TELO2: variants seen among roughly 807,000 people sequenced by gnomAD.
TELO2 encodes the protein telomere maintenance 2.
A neutral mutation model predicts 91.0 loss-of-function variants in TELO2; 71 were observed. The ratio of observed to expected loss-of-function variants is 0.78; its 90% CI spans 0.64 to 0.95. TELO2 has a LOEUF of 0.95. TELO2 is among the 40% of genes least tolerant of loss of function. TELO2 has a pLI of 0.00. For missense variants in TELO2, 1,183 were observed against 1,141.3 expected (o/e 1.04, Z -0.53); for synonymous variants, 584 against 518.9 (o/e 1.13, Z -1.71).
intron 11 of TELO2, 130 bp from the exon 12 acceptor site, chr16:1,501,917 A>G: frequency 6.9e-7 from 1 of 1,456,666 alleles, no homozygotes; most frequent in Non-Finnish European, 9.5e-7. Flanking sequence ...CGCAGCTCCC[A>G]GCTCCACCGT....
At chr16:1,504,127 TA>T (rs34788034) in intron 15 of TELO2, among the ~76,000 whole-genome samples, 30,428 of 104,888 alleles carry the variant, frequency 0.29, 6,124 homozygotes, top group African/African-American at 0.63. Context: ...TCTGTCTCTT[TA>T]AAAAAAAAAA....
Position 1,494,418 on chromosome 16 carries a change from C to T in TELO2, c.137C>T (p.Ala46Val), listed in dbSNP as rs567131148. 28 of 1,613,274 alleles carry T rather than the reference C, an allele frequency of 1.7e-5. No individual in the cohort carries two copies. In the East Asian group the frequency reaches 1.8e-4, roughly 10 times the overall value. The stretch of plus-strand genomic sequence containing the variant: ...TATCTCGGTGAGATGGAGCCTCCAG[C>T]GCTCCCGAGGGAGAAGGAGGAGTTT... The part of the protein sequence containing the change: ...KRYLGEMEPP[A>V]LPREKEEFAS... The change falls in exon 2 of 21, where the codon GCG becomes GTG. Residue 46 changes from alanine (A) to valine (V), a missense_variant. Transcript: ENST00000262319. The surrounding 1 kb of genome is among the most constrained non-coding windows in gnomAD (Gnocchi z 5.6).
rs981898757 is a variant in TELO2, at chr16:1,510,224, G to C, written c.*288G>C. Reference sequence around the variant, plus strand: ...GACTCTTCCAGTGAGGGCAGAACCAGGCTGGCAGGAGGGGAGGACGGTGTA... The same window carrying C: ...GACTCTTCCAGTGAGGGCAGAACCACGCTGGCAGGAGGGGAGGACGGTGTA... On this transcript the variant is annotated 3_prime_UTR_variant, in exon 21 of 21. Coordinates refer to ENST00000262319, the MANE Select transcript of TELO2 (RefSeq NM_016111.4). The C allele has an allele frequency of 4.5e-6, 2 of 446,016 alleles. No homozygotes were observed. The highest frequency in any genetic ancestry group is 8.3e-6 in the Non-Finnish European group (2 of 241,178). The allele number at this position is 446,016 out of a possible 1,614,324, so 27.6% of individuals were successfully genotyped here.
rs906783243 is a variant in TELO2, at chr16:1,507,012, C to T, written c.2187C>T (p.His729=). ...AGCTGGTTCTCGGAAGGCTGGCGCA[C>T]ACCTTAGGGGCCCTGATGTGCCTGG... ...EDQLVLGRLA[H]TLGALMCLAV... is the part of the protein sequence containing the mutation. The change falls in exon 18 of 21, where the codon CAC becomes CAT. Residue 729 remains histidine (H), a synonymous_variant. Transcript: ENST00000262319. The T allele has an allele frequency of 1.9e-6, 3 of 1,611,986 alleles. No individual in the cohort carries two copies. The highest frequency in any genetic ancestry group is 2.5e-6 in the Non-Finnish European group (3 of 1,179,202).
chr16:1,497,127 G>A lies in TELO2; in HGVS notation c.682+23G>A. 1.9e-6 allele frequency: 3 copies of A among 1,613,150 alleles called. No homozygotes were observed. The highest frequency in any genetic ancestry group is 2.5e-6 in the Non-Finnish European group (3 of 1,179,480). On this transcript the variant is annotated intron_variant, in intron 4 of 20. Coordinates refer to ENST00000262319, the MANE Select transcript of TELO2 (RefSeq NM_016111.4). This position sits in a 1 kb window ranked among gnomAD's most constrained non-coding sequence, Gnocchi z 4.0. The stretch of plus-strand genomic sequence containing the variant: ...AGCGTGAGTAGAGCAGTGCCTTCCT[G>A]CCCATCCTGCCCCGACCCTCACAGC...
At chr16:1,504,018 C>T (rs2141055150) in intron 15 of TELO2, among the ~76,000 whole-genome samples, 1 of 150,614 alleles carries the variant, frequency 6.6e-6, no homozygotes, top group African/African-American at 2.4e-5. Flanking sequence ...CCCTGCTACT[C>T]TTGAGGCTGA....
At position 1,495,601 on chromosome 16, in the gene TELO2, G is replaced by T. The variant is rs1219798184; in HGVS notation, c.591G>T (p.Gln197His). ...LLGEEVVRVL[Q>H]AVVDSLQGGL... ...GCGAGGAGGTCGTCCGGGTGCTGCA[G>T]GCGGTTGTGGACTCTCTCCAAGGTG... Residue 197 changes from glutamine (Q) to histidine (H), a missense_variant, in exon 3 of 21, where the codon CAG (glutamine) becomes CAT (histidine). Physicochemically the swap from Gln to His is conservative, Grantham distance 24. Coordinates refer to ENST00000262319, the MANE Select transcript of TELO2 (RefSeq NM_016111.4). 6.2e-7 allele frequency: 1 copy of T among 1,604,204 alleles called. No homozygotes were observed. The highest frequency in any genetic ancestry group is 8.5e-7 in the Non-Finnish European group (1 of 1,174,260).
Position 1,506,328 on chromosome 16 carries a change from AGGTGAGTGGGTTTTCCGT to A in TELO2, c.2126+2_2126+19del. On this transcript the variant is annotated splice_donor_variant and splice_donor_5th_base_variant and coding_sequence_variant and intron_variant, in exon 17 of 21. Transcript: ENST00000262319. LOFTEE classifies it high-confidence loss of function. ...CTTCCCCCTCCTTCAGCGCTTTGAC[AGGTGAGTGGGTTTTCCGT>A]GGGCCTGTGGACTTGGGGGACAGGG... 1 of 1,613,996 alleles carries A rather than the reference AGGTGAGTGGGTTTTCCGT, an allele frequency of 6.2e-7. No homozygotes were observed. Among genetic ancestry groups the A allele is most frequent in the Non-Finnish European group, 8.5e-7 (1 of 1,179,980 alleles).
Position 1,507,325 on chromosome 16 carries a change from A to G in TELO2, c.2246A>G (p.Lys749Arg). The G allele has an allele frequency of 6.2e-7, 1 of 1,610,364 alleles. No individual in the cohort carries two copies. The highest frequency in any genetic ancestry group is 1.1e-5 in the South Asian group (1 of 91,042). ...VNTTVAVAMG[K>R]ALLEFVWALR... Reference sequence around the variant, plus strand: ...GTCCAGGTGGCTGTGGCCATGGGCAAGGCCCTGCTGGAATTCGTGTGGGCC... The same window carrying G: ...GTCCAGGTGGCTGTGGCCATGGGCAGGGCCCTGCTGGAATTCGTGTGGGCC... Residue 749 changes from lysine (K) to arginine (R), a missense_variant, in exon 19 of 21, where the codon AAG (lysine) becomes AGG (arginine). Transcript: ENST00000262319.
At chr16:1,496,970 C>A in intron 3 of TELO2, 66 bp from the exon 4 acceptor site, 1 of 1,530,502 alleles carries the variant, frequency 6.5e-7, no homozygotes, top group Non-Finnish European at 9.0e-7. Flanking sequence ...GCAGCTCTCC[C>A]CACACCTAGA....
At chr16:1,509,793 C>T (rs372740088) in intron 20 of TELO2, 37 bp from the exon 21 acceptor site, 25 of 1,571,576 alleles carry the variant, frequency 1.6e-5, no homozygotes, top group Non-Finnish European at 1.9e-5. Context: ...ACGCCCTCCA[C>T]GCTGCCTCAG....
chr16:1,505,138 C>T lies in TELO2; in HGVS notation c.1843-272C>T, dbSNP rs1490522135. ...ATAAGGGCATGTGGCTCTGGCGTGG[C>T]GGGACTGCGTGGCTTTAGGATGAGG... On this transcript the variant is annotated intron_variant, in intron 15 of 20. Transcript: ENST00000262319. This position sits in a 1 kb window ranked among gnomAD's most constrained non-coding sequence, Gnocchi z 4.3. 1 of 431,672 alleles carries T rather than the reference C, an allele frequency of 2.3e-6. No homozygotes were observed. Among genetic ancestry groups the T allele is most frequent in the East Asian group, 3.7e-5 (1 of 27,298 alleles). 26.7% of individuals were successfully genotyped at this position (431,672 alleles called of 1,614,324 possible). A position where few individuals can be genotyped will look rare whatever the true frequency, so the allele number is the denominator to read the frequency against.
rs141078050 is a variant in TELO2, at chr16:1,500,417, G to A, written c.1073G>A (p.Arg358His). Residue 358 changes from arginine to histidine, a missense_variant, in exon 8 of 21, where the codon CGC becomes CAC. Arg to His is a conservative substitution (Grantham distance 29). Transcript: ENST00000262319. ...CGCCACACTCCCCTGCCGCAGCAGCGCCACGTCAGCAAGGCTGTCCTCATC... is the reference window on the plus strand; with the variant it reads ...CGCCACACTCCCCTGCCGCAGCAGCACCACGTCAGCAAGGCTGTCCTCATC... Reference protein sequence around the residue: ...AIRHTPLPQQRHVSKAVLICL... With the variant: ...AIRHTPLPQQHHVSKAVLICL... 7 of 1,605,746 alleles carry A rather than the reference G, an allele frequency of 4.4e-6. No individual in the cohort carries two copies. Among genetic ancestry groups the A allele is most frequent in the African/African-American group, 1.3e-5 (1 of 75,026 alleles).
rs762489563 is a variant in TELO2, at chr16:1,501,765, C to T, written c.1464C>T (p.Asp488=). The change falls in exon 11 of 21, where the codon GAC becomes GAT. Residue 488 remains aspartate, a synonymous_variant. Transcript: ENST00000262319. ...PQAQLAGSDS[D]LDSDDEFVPY... ...CACAGCTGGCGGGCTCTGACTCGGA[C>T]CTGGACAGGTAGGGGCTCTGCCACC... The T allele has an allele frequency of 8.7e-6, 14 of 1,608,670 alleles. No homozygotes were observed. The highest frequency in any genetic ancestry group is 5.5e-5 in the South Asian group (5 of 91,006).
rs979425913 is a variant in TELO2 at position 1,502,113 on chromosome 16, C to T, written c.1539C>T (p.Ala513=). 6.2e-7 allele frequency: 1 copy of T among 1,613,092 alleles called. No homozygotes were observed. The highest frequency in any genetic ancestry group is 8.5e-7 in the Non-Finnish European group (1 of 1,179,974). The change falls in exon 12 of 21, where the codon GCC becomes GCT. Residue 513 remains alanine (A), a synonymous_variant. Coordinates refer to ENST00000262319, the MANE Select transcript of TELO2 (RefSeq NM_016111.4). ...DRELKSSKAP[A]YVRDCVEALT... ...AGCTGAAGAGCAGCAAGGCTCCTGC[C>T]TACGTCCGGGACTGCGTGGAAGGTG...
chr16:1,499,224 C>G lies in TELO2; in HGVS notation c.831-7C>G. On this transcript the variant is annotated splice_region_variant and splice_polypyrimidine_tract_variant and intron_variant, in intron 5 of 20. Transcript: ENST00000262319. ...TTGCAGCTCTGGCCCCTGACTCTGT[C>G]TTGCAGGCCTGAGGTCCTTTCGAGA... The G allele has an allele frequency of 1.2e-6, 2 of 1,613,926 alleles. No homozygotes were observed. The highest frequency in any genetic ancestry group is 1.7e-6 in the Non-Finnish European group (2 of 1,179,984).
chr16:1,510,164 G>GTGGGGC lies in TELO2; in HGVS notation c.*237_*242dup, dbSNP rs1454680929. On this transcript the variant is annotated 3_prime_UTR_variant, in exon 21 of 21. Coordinates refer to ENST00000262319, the MANE Select transcript of TELO2 (RefSeq NM_016111.4). Reference sequence around the variant, plus strand: ...CCCGCCGGGACATGGCAGCCTGGACGTGGGGCTGGGGCTGTGGGCGCTGCT... The same window carrying GTGGGGC: ...CCCGCCGGGACATGGCAGCCTGGACGTGGGGCTGGGGCTGGGGCTGTGGGCGCTGCT... The GTGGGGC allele has an allele frequency of 3.7e-6, 2 of 543,554 alleles. No homozygotes were observed. The highest frequency in any genetic ancestry group is 6.6e-6 in the Non-Finnish European group (2 of 301,714). The allele number at this position is 543,554 out of a possible 1,614,324, so 33.7% of individuals were successfully genotyped here. A position where few individuals can be genotyped will look rare whatever the true frequency, so the allele number is the denominator to read the frequency against.
chr16:1,504,210 G>A (rs946274095), intron 15 of TELO2, among the ~76,000 whole-genome samples: 11 of 151,392 alleles, frequency 7.3e-5, no homozygotes, highest in East Asian at 2.0e-4. Context: ...TAAGCCGGGC[G>A]GATCATGAGG....
Position 1,501,753 on chromosome 16 carries a change from C to G in TELO2, c.1452C>G (p.Gly484=). 1 of 1,610,088 alleles carries G rather than the reference C, an allele frequency of 6.2e-7. No individual in the cohort carries two copies. Among genetic ancestry groups the G allele is most frequent in the Non-Finnish European group, 8.5e-7 (1 of 1,179,804 alleles). The change falls in exon 11 of 21, where the codon GGC becomes GGG. Residue 484 remains glycine (G), a synonymous_variant. Coordinates refer to ENST00000262319, the MANE Select transcript of TELO2 (RefSeq NM_016111.4). ...GCGTCCCCCAAGCACAGCTGGCGGG[C>G]TCTGACTCGGACCTGGACAGGTAGG... is the stretch of plus-strand genomic sequence containing the variant. ...DGGVPQAQLA[G]SDSDLDSDDE...
Sources: gnomAD v4.1 joint callset for allele counts (sites outside exome capture counted in the v4.1 genomes callset) on GRCh38, gnomAD v4.1.1 for gene constraint, Gnocchi (gnomAD v3.1) non-coding constraint, MANE v1.5 for transcripts, NCBI Gene and HGNC (gene_info 2026-07-23, HGNC 2026-07-21) for gene names.